IMMP2L: variants seen among roughly 807,000 people sequenced by gnomAD.
IMMP2L encodes the protein inner mitochondrial membrane peptidase subunit 2, also known as mitochondrial inner membrane protease subunit 2.
A neutral mutation model predicts 19.3 loss-of-function variants in IMMP2L; 18 were observed. That is an observed-to-expected ratio of 0.93 (90% CI 0.64 to 1.38). The LOEUF is 1.38. IMMP2L is among the 40% of genes most tolerant of loss of function. The pLI, the probability that IMMP2L is intolerant of heterozygous loss-of-function variation, is 0.00. For synonymous variants in IMMP2L, 76 were observed against 73.0 expected (o/e 1.04, Z -0.21); for missense variants, 233 against 218.2 (o/e 1.07, Z -0.43).
intron 3 of IMMP2L, among the ~76,000 whole-genome samples, chr7:111,199,210 AC>A (rs1280881445): frequency 6.6e-6 from 1 of 152,180 alleles, no homozygotes; most frequent in Non-Finnish European, 1.5e-5. Context: ...ATAAATAAAT[AC>A]AGCCTACATA....
At chr7:110,943,667 T>C (rs1816951488) in intron 4 of IMMP2L, among the ~76,000 whole-genome samples, 1 of 151,942 alleles carries the variant, frequency 6.6e-6, no homozygotes, top group Admixed American at 6.6e-5. Context: ...GGGGAACATA[T>C]AATGGAGCAA....
intron 2 of IMMP2L, among the ~76,000 whole-genome samples, chr7:111,519,853 C>G (rs1846184592): frequency 6.6e-6 from 1 of 151,930 alleles, no homozygotes; most frequent in African/African-American, 2.4e-5. Flanking sequence ...TATAGCAAGA[C>G]AGCAGTAACA....
In IMMP2L at chr7:110,886,694, T is replaced by C; in HGVS notation, c.307A>G (p.Thr103Ala). 6.5e-7 allele frequency: 1 copy of C among 1,529,250 alleles called. No homozygotes were observed. The highest frequency in any genetic ancestry group is 1.4e-5 in the African/African-American group (1 of 73,240). The allele number at this position is 1,529,250 out of a possible 1,614,324, so 94.7% of individuals were successfully genotyped here. Residue 103 changes from threonine to alanine, a missense_variant and splice_region_variant, in exon 5 of 6, where the codon ACC becomes GCC. Transcript: ENST00000405709. ...VIALEGDIVR[T>A]IGHKNRYVKV... ...ACATACCGGTTTTTGTGTCCTATGG[T>C]TCTGGAAATAAACAGTGTAACCACT... is the stretch of plus-strand genomic sequence containing the variant.
intron 3 of IMMP2L, among the ~76,000 whole-genome samples, chr7:111,171,457 G>C (rs1806442327): frequency 6.6e-6 from 1 of 151,488 alleles, no homozygotes; most frequent in Non-Finnish European, 1.5e-5. Flanking sequence ...AGCCCAAAGA[G>C]AGAGAAAGAA....
intron 3 of IMMP2L, among the ~76,000 whole-genome samples, chr7:111,481,478 G>A (rs2132210203): frequency 6.6e-6 from 1 of 152,064 alleles, no homozygotes. Context: ...TAAAACCGGG[G>A]ATAACAATAC....
intron 4 of IMMP2L, among the ~76,000 whole-genome samples, chr7:110,889,668 G>A (rs138481799): frequency 2.2e-4 from 33 of 152,286 alleles, no homozygotes; most frequent in African/African-American, 6.7e-4. Context: ...GGGCTGAAAC[G>A]AAGGTTAGTA....
chr7:111,288,869 A>C (rs752661690), intron 3 of IMMP2L, among the ~76,000 whole-genome samples: 20 of 152,162 alleles, frequency 1.3e-4, no homozygotes, highest in Admixed American at 5.9e-4. Flanking sequence ...GCGACTCCTC[A>C]AAGATGTAGA....
chr7:111,470,028 G>C (rs971003671), intron 3 of IMMP2L, among the ~76,000 whole-genome samples: 2 of 151,850 alleles, frequency 1.3e-5, no homozygotes, highest in African/African-American at 4.8e-5. Context: ...AAATTTACAA[G>C]AAAAAAATAA....
At chr7:110,706,152 G>A (rs1300338988) in intron 5 of IMMP2L, among the ~76,000 whole-genome samples, 1 of 152,090 alleles carries the variant, frequency 6.6e-6, no homozygotes, top group Admixed American at 6.5e-5. Context: ...ATTTAAGCTG[G>A]AGTGCAGTGG....
At chr7:111,283,828 G>A (rs1261896080) in intron 3 of IMMP2L, among the ~76,000 whole-genome samples, 2 of 151,066 alleles carry the variant, frequency 1.3e-5, no homozygotes, top group South Asian at 2.1e-4. Context: ...AAAATTAGCC[G>A]GGCGTAGTGG....
chr7:111,436,536 C>T (rs750579790), intron 3 of IMMP2L, among the ~76,000 whole-genome samples: 18 of 151,682 alleles, frequency 1.2e-4, no homozygotes, highest in Non-Finnish European at 2.5e-4. Context: ...CACACACACA[C>T]ACACCCCACA....
At chr7:111,053,803 C>T (rs2129573346) in intron 3 of IMMP2L, among the ~76,000 whole-genome samples, 1 of 152,284 alleles carries the variant, frequency 6.6e-6, no homozygotes, top group East Asian at 1.9e-4. Flanking sequence ...AAGTGTATCT[C>T]TGCTGTGTCA....
At chr7:111,524,328 T>C (rs1846628183) in intron 1 of IMMP2L, among the ~76,000 whole-genome samples, 1 of 151,962 alleles carries the variant, frequency 6.6e-6, no homozygotes, top group Non-Finnish European at 1.5e-5. Flanking sequence ...TATAAAATGC[T>C]CCCATGTACA....
intron 3 of IMMP2L, among the ~76,000 whole-genome samples, chr7:111,260,789 T>C (rs1191865061): frequency 6.6e-6 from 1 of 152,108 alleles, no homozygotes; most frequent in Non-Finnish European, 1.5e-5. Context: ...CATAAAATTA[T>C]ACTATAAATA....
At chr7:110,797,984 C>T (rs1207654122) in intron 5 of IMMP2L, among the ~76,000 whole-genome samples, 1 of 151,760 alleles carries the variant, frequency 6.6e-6, no homozygotes, top group Non-Finnish European at 1.5e-5. Context: ...CTGATAATAA[C>T]AGAAGGGCAA....
At chr7:111,346,754 A>G (rs941247941) in intron 3 of IMMP2L, among the ~76,000 whole-genome samples, 3 of 152,176 alleles carry the variant, frequency 2.0e-5, no homozygotes, top group Admixed American at 2.0e-4. Flanking sequence ...GATTTTTAAA[A>G]GCAGAACTGA....
At chr7:111,169,505 C>T (rs181358145) in intron 3 of IMMP2L, among the ~76,000 whole-genome samples, 8 of 151,958 alleles carry the variant, frequency 5.3e-5, no homozygotes, top group South Asian at 4.1e-4. Context: ...TTACATTCAG[C>T]GTTCTGAGGG....
At chr7:111,291,138 T>C (rs1407420336) in intron 3 of IMMP2L, among the ~76,000 whole-genome samples, 1 of 152,124 alleles carries the variant, frequency 6.6e-6, no homozygotes, top group Non-Finnish European at 1.5e-5. Flanking sequence ...ATGGATATCA[T>C]TTCTAGATAA....
intron 3 of IMMP2L, among the ~76,000 whole-genome samples, chr7:111,421,636 G>T (rs112830389): frequency 6.6e-6 from 1 of 151,616 alleles, no homozygotes; most frequent in African/African-American, 2.4e-5. Flanking sequence ...TGTCAGACGG[G>T]TAGATTGCAA....
Sources: gnomAD v4.1 joint callset for allele counts (sites outside exome capture counted in the v4.1 genomes callset) on GRCh38, gnomAD v4.1.1 for gene constraint, MANE v1.5 for transcripts, NCBI Gene and HGNC (gene_info 2026-07-23, HGNC 2026-07-21) for gene names.